Variants in PLCL1 observed in about 807,000 individuals in gnomAD.
PLCL1 encodes the protein phospholipase C like 1 (inactive), also known as inactive phospholipase C-like protein 1.
In PLCL1, 41 loss-of-function variants were observed where a neutral mutation model predicts 84.4. The ratio of observed to expected loss-of-function variants is 0.49; its 90% CI spans 0.38 to 0.63. The LOEUF is 0.63. Ranked by LOEUF, PLCL1 falls within the 30% of genes least tolerant of loss-of-function variation. The pLI is 0.00. For synonymous variants in PLCL1, 490 were observed against 488.3 expected, an observed-to-expected ratio of 1.00 and a Z score of -0.05; for missense variants, 1,206 against 1,367.8, an observed-to-expected ratio of 0.88 and a Z score of 1.87.
In PLCL1 at chr2:198,084,084, C is replaced by G. The variant is rs1390207252; in HGVS notation, c.567C>G (p.Ala189=). Reference sequence around the variant, plus strand: ...CTGACCAGATCTGTGAGGACTGTGCCTTTTCCATACTCCACGGGGAAAACT... The same window carrying G: ...CTGACCAGATCTGTGAGGACTGTGCGTTTTCCATACTCCACGGGGAAAACT... ...GLADQICEDC[A]FSILHGENYE... is the part of the protein sequence containing the mutation. Residue 189 remains alanine (A), a synonymous_variant, in exon 2 of 6, where the codon GCC becomes GCG. Coordinates refer to ENST00000428675, the MANE Select transcript of PLCL1 (RefSeq NM_006226.4). The G allele has an allele frequency of 2.0e-5, 33 of 1,614,136 alleles. No homozygotes were observed. The highest frequency in any genetic ancestry group is 2.8e-5 in the Non-Finnish European group (33 of 1,179,996).
intron 2 of PLCL1, among the ~76,000 whole-genome samples, chr2:198,087,779 A>G (rs1692920478): frequency 6.6e-6 from 1 of 152,286 alleles, no homozygotes; most frequent in East Asian, 1.9e-4. Context: ...CTGTATCAAG[A>G]CTTTTCATGT....
At chr2:197,956,698 TG>T (rs1689502888) in intron 1 of PLCL1, among the ~76,000 whole-genome samples, 1 of 152,178 alleles carries the variant, frequency 6.6e-6, no homozygotes, top group Non-Finnish European at 1.5e-5. Context: ...TTCATATGTT[TG>T]TTGGCCATAT....
chr2:197,874,079 A>G (rs567330213), intron 1 of PLCL1, among the ~76,000 whole-genome samples: 6 of 152,188 alleles, frequency 3.9e-5, no homozygotes, highest in Non-Finnish European at 5.9e-5. Flanking sequence ...TTTACTTATA[A>G]GTTTTTCATT....
chr2:197,990,411 A>G (rs1055031389), intron 1 of PLCL1, among the ~76,000 whole-genome samples: 10 of 152,226 alleles, frequency 6.6e-5, no homozygotes, highest in Non-Finnish European at 4.4e-5. Context: ...TTCAAGGTGT[A>G]TGGTAAGATT....
intron 1 of PLCL1, among the ~76,000 whole-genome samples, chr2:198,055,203 G>A (rs1278351265): frequency 2.6e-5 from 4 of 151,456 alleles, no homozygotes; most frequent in East Asian, 2.0e-4. Context: ...TTCCTGTTTT[G>A]TAGGAACTTG....
At chr2:197,973,026 G>C (rs944553907) in intron 1 of PLCL1, among the ~76,000 whole-genome samples, 5 of 152,162 alleles carry the variant, frequency 3.3e-5, no homozygotes, top group African/African-American at 1.2e-4. Flanking sequence ...TTCTCCCCCT[G>C]GCAAGGATAA....
chr2:197,810,079 G>A (rs1690553279), intron 1 of PLCL1, among the ~76,000 whole-genome samples: 1 of 152,140 alleles, frequency 6.6e-6, no homozygotes, highest in African/African-American at 2.4e-5. Flanking sequence ...GTTGCTGAGA[G>A]TGTGCCCTGG....
intron 1 of PLCL1, among the ~76,000 whole-genome samples, chr2:197,902,378 A>C (rs1319028106): frequency 1.3e-5 from 2 of 152,192 alleles, no homozygotes; most frequent in Admixed American, 1.3e-4. Context: ...CTACTTGGTC[A>C]TCCAAGTAAT....
chr2:198,077,213 A>G lies in PLCL1; in HGVS notation c.241-6545A>G, dbSNP rs1245356961. On this transcript the variant is annotated intron_variant, in intron 1 of 5. Coordinates refer to ENST00000428675, the MANE Select transcript of PLCL1 (RefSeq NM_006226.4). ...TTACTCTCAGTCTTGTCATGGCAGC[A>G]GTTTGGGTCTCATTTCGTTCTCTAT... is the stretch of plus-strand genomic sequence containing the variant. 2.0e-5 allele frequency among the ~76,000 whole-genome samples: 3 copies of G among 152,232 alleles called. No individual in the cohort carries two copies. In the East Asian group the frequency reaches 5.8e-4, roughly 29 times the overall value.
chr2:198,128,401 C>T (rs1456400228), intron 5 of PLCL1, among the ~76,000 whole-genome samples: 1 of 152,108 alleles, frequency 6.6e-6, no homozygotes, highest in African/African-American at 2.4e-5. Flanking sequence ...TCTGTCTCCC[C>T]AGGATCAGAG....
chr2:197,978,109 G>T (rs548360232), intron 1 of PLCL1, among the ~76,000 whole-genome samples: 8 of 152,286 alleles, frequency 5.3e-5, no homozygotes, highest in Middle Eastern at 3.4e-3. Context: ...GAGTAAATCC[G>T]CACTTTGTTC....
intron 1 of PLCL1, among the ~76,000 whole-genome samples, chr2:197,806,254 A>G (rs1443878716): frequency 6.6e-6 from 1 of 152,200 alleles, no homozygotes; most frequent in African/African-American, 2.4e-5. Context: ...GTATAAAACG[A>G]TATGTATGTA....
rs1351673402 is a variant in PLCL1 at position 197,998,173 on chromosome 2, CTATG to C, written c.241-85583_241-85580del. Among the ~76,000 whole-genome samples the C allele has an allele frequency of 1.7e-4, 13 of 77,432 alleles. No individual in the cohort carries two copies. In the East Asian group the frequency reaches 3.2e-3, roughly 19 times the overall value. The allele number at this position is 77,432 out of a possible 152,430, so 50.8% of individuals were successfully genotyped here. On this transcript the variant is annotated intron_variant, in intron 1 of 5. Coordinates refer to ENST00000428675, the MANE Select transcript of PLCL1 (RefSeq NM_006226.4). ...GGGAGTTTCCTTGAGAAGAATGGAGCTATGTGTGTGTGTGTGTGTGTGTGTGTGT... is the reference window on the plus strand; with the variant it reads ...GGGAGTTTCCTTGAGAAGAATGGAGCTGTGTGTGTGTGTGTGTGTGTGTGT...
intron 1 of PLCL1, among the ~76,000 whole-genome samples, chr2:197,832,958 G>A (rs890911311): frequency 1.3e-5 from 2 of 152,148 alleles, no homozygotes; most frequent in Admixed American, 1.3e-4. Flanking sequence ...GGCCAGGTGC[G>A]GTGGCTCACG....
intron 1 of PLCL1, among the ~76,000 whole-genome samples, chr2:198,037,884 A>G (rs1691582705): frequency 6.6e-6 from 1 of 152,160 alleles, no homozygotes; most frequent in South Asian, 2.1e-4. Flanking sequence ...ACTATGAAAG[A>G]TTTGGGAAAA....
intron 1 of PLCL1, among the ~76,000 whole-genome samples, chr2:197,839,735 T>C (rs1375823597): frequency 6.6e-6 from 1 of 152,264 alleles, no homozygotes; most frequent in African/African-American, 2.4e-5. Context: ...TCATATTTCA[T>C]ATCTCCAGAG....
chr2:197,962,365 C>T (rs944426786), intron 1 of PLCL1, among the ~76,000 whole-genome samples: 3 of 152,062 alleles, frequency 2.0e-5, no homozygotes, highest in Admixed American at 6.6e-5. Flanking sequence ...CAAAATTTAT[C>T]GTTAGTTTTT....
intron 5 of PLCL1, among the ~76,000 whole-genome samples, chr2:198,120,831 C>G (rs957241620): frequency 2.0e-5 from 3 of 151,998 alleles, no homozygotes; most frequent in African/African-American, 7.2e-5. Flanking sequence ...TGAATATATA[C>G]CCAGAAGTGG....
At chr2:197,880,899 A>G (rs113109727) in intron 1 of PLCL1, among the ~76,000 whole-genome samples, 4 of 152,330 alleles carry the variant, frequency 2.6e-5, no homozygotes, top group African/African-American at 9.6e-5. Flanking sequence ...TTAGAATAAA[A>G]CCATACCTTA....
Sources: allele counts gnomAD v4.1 joint callset (sites outside exome capture counted in the v4.1 genomes callset), GRCh38; gene constraint gnomAD v4.1.1; transcripts MANE v1.5; gene names NCBI Gene and HGNC (gene_info 2026-07-23, HGNC 2026-07-21).